Variants in ALKBH1 observed in about 807,000 individuals in gnomAD.
ALKBH1 encodes nucleic acid dioxygenase ALKBH1.
In ALKBH1, 31 loss-of-function variants were observed where a neutral mutation model predicts 36.6. That is an observed-to-expected ratio of 0.85 (90% CI 0.64 to 1.14). The LOEUF (loss-of-function observed/expected upper bound fraction) is 1.14, where lower values mean the gene tolerates loss of function less well. ALKBH1 is among the 50% of genes most tolerant of loss of function. ALKBH1 has a pLI of 0.00. For missense variants in ALKBH1, 490 were observed against 497.3 expected, an observed-to-expected ratio of 0.99 and a Z score of 0.14; for synonymous variants, 183 against 186.6, an observed-to-expected ratio of 0.98 and a Z score of 0.16.
intron 4 of ALKBH1, among the ~76,000 whole-genome samples, chr14:77,676,123 G>T (rs1313397163): frequency 6.6e-6 from 1 of 150,448 alleles, no homozygotes; most frequent in Non-Finnish European, 1.5e-5. Flanking sequence ...AGTCTCCCAA[G>T]TAGGTAGGAC....
At chr14:77,679,246 T>TA in intron 4 of ALKBH1, among the ~76,000 whole-genome samples, 1 of 151,522 alleles carries the variant, frequency 6.6e-6, no homozygotes, top group Admixed American at 6.6e-5. Context: ...TGTTGCACAA[T>TA]AAAAATTAAA....
intron 5 of ALKBH1, among the ~76,000 whole-genome samples, chr14:77,674,977 C>T (rs2080197091): frequency 6.6e-6 from 1 of 152,014 alleles, no homozygotes; most frequent in South Asian, 2.1e-4. Context: ...CAAAACTTGG[C>T]ACAAATTTAA....
intron 1 of ALKBH1, among the ~76,000 whole-genome samples, chr14:77,707,062 AT>A (rs1432253143): frequency 6.6e-6 from 1 of 152,232 alleles, no homozygotes; most frequent in Non-Finnish European, 1.5e-5. Context: ...CCTTAAAAAA[AT>A]AATTTTTAAA....
chr14:77,675,771 A>G lies in ALKBH1; in HGVS notation c.625T>C (p.Phe209Leu). 6.2e-7 allele frequency: 1 copy of G among 1,614,146 alleles called. No homozygotes were observed. Among genetic ancestry groups the G allele is most frequent in the East Asian group, 2.2e-5 (1 of 44,870 alleles). ...LSEQVAAACG[F>L]EDFRAEAGIL... ...CCTGCTTCAGCTCGGAAATCCTCAA[A>G]TCCACAGGCAGCGGCTACTTGCTCT... The change falls in exon 5 of 6, where the codon TTT becomes CTT. Residue 209 changes from phenylalanine (F) to leucine (L), a missense_variant. Phe to Leu is a conservative substitution (Grantham distance 22). Transcript: ENST00000216489.
chr14:77,700,866 TCACTTGA>T (rs551267176), intron 2 of ALKBH1, among the ~76,000 whole-genome samples: 147 of 152,090 alleles, frequency 9.7e-4, no homozygotes, highest in African/African-American at 3.4e-3. Flanking sequence ...GGCAGGGGGA[TCACTTGA>T]GTCCAGGAGT....
At chr14:77,683,131 C>T (rs1371809736) in intron 3 of ALKBH1, 1 of 539,008 alleles carries the variant, frequency 1.9e-6, no homozygotes, top group East Asian at 3.5e-5. Context: ...AGTGAGGCAT[C>T]ACACCAAGCT....
At chr14:77,697,732 G>A (rs1215918315) in intron 2 of ALKBH1, among the ~76,000 whole-genome samples, 1 of 151,128 alleles carries the variant, frequency 6.6e-6, no homozygotes, top group Non-Finnish European at 1.5e-5. Context: ...TTAGAAGCCG[G>A]GCATGGTGGC....
At chr14:77,685,126 T>C (rs900693032) in intron 3 of ALKBH1, among the ~76,000 whole-genome samples, 2 of 152,204 alleles carry the variant, frequency 1.3e-5, no homozygotes, top group East Asian at 3.8e-4. Context: ...TTTTCTAATT[T>C]AGTTCCTTTC....
intron 4 of ALKBH1, among the ~76,000 whole-genome samples, chr14:77,678,948 T>A (rs549724112): frequency 6.3e-4 from 96 of 152,158 alleles, no homozygotes; most frequent in African/African-American, 2.2e-3. Flanking sequence ...CCTGAGTAGC[T>A]GGAACCACAG....
chr14:77,697,716 A>G (rs1165378898), intron 2 of ALKBH1, among the ~76,000 whole-genome samples: 1 of 151,636 alleles, frequency 6.6e-6, no homozygotes, highest in Non-Finnish European at 1.5e-5. Context: ...AAAAAAAAAA[A>G]AAGAATTAGA....
intron 4 of ALKBH1, among the ~76,000 whole-genome samples, chr14:77,677,442 T>G (rs2080212149): frequency 6.6e-6 from 1 of 152,244 alleles, no homozygotes; most frequent in Non-Finnish European, 1.5e-5. Context: ...ATCTGAGGGC[T>G]ATTTGGGCTA....
chr14:77,690,048 T>C lies in ALKBH1; in HGVS notation c.455+4690A>G, dbSNP rs188710562. Reference sequence around the variant, plus strand: ...CAAGAAGATAAAGAATGAGGGGAAGTAGGAGATTCTTGTTGACTGAATGAT... The same window carrying C: ...CAAGAAGATAAAGAATGAGGGGAAGCAGGAGATTCTTGTTGACTGAATGAT... On this transcript the variant is annotated intron_variant, in intron 3 of 5. Transcript: ENST00000216489. Among the ~76,000 whole-genome samples the C allele has an allele frequency of 2.6e-5, 4 of 151,518 alleles. No individual in the cohort carries two copies. The East Asian group carries it at 7.8e-4, about 30-fold the overall frequency.
At chr14:77,699,651 A>G (rs1389119705) in intron 2 of ALKBH1, among the ~76,000 whole-genome samples, 4 of 152,042 alleles carry the variant, frequency 2.6e-5, no homozygotes, top group African/African-American at 9.7e-5. Context: ...CATTTGAGAT[A>G]AGACAAACAA....
chr14:77,694,935 G>C (rs1373977477), intron 2 of ALKBH1, 35 bp from the exon 3 acceptor site: 13 of 1,436,002 alleles, frequency 9.1e-6, no homozygotes, highest in Non-Finnish European at 1.2e-5. Context: ...AAAGAAGAGG[G>C]GGAAATTCTC....
At chr14:77,707,757 A>C in intron 1 of ALKBH1, 65 bp downstream of exon 1, 1 of 1,517,194 alleles carries the variant, frequency 6.6e-7, no homozygotes, top group Non-Finnish European at 8.9e-7. Flanking sequence ...CGAAGAAGAC[A>C]CGTAAGTCCC....
chr14:77,675,574 C>T (rs918875633), intron 5 of ALKBH1, 82 bp downstream of exon 5: 30 of 1,249,858 alleles, frequency 2.4e-5, no homozygotes, highest in Non-Finnish European at 3.2e-5. Context: ...AGTTAAATAC[C>T]TGTATTTATT....
chr14:77,706,499 A>T (rs2080391807), intron 1 of ALKBH1, among the ~76,000 whole-genome samples: 1 of 152,168 alleles, frequency 6.6e-6, no homozygotes, highest in Non-Finnish European at 1.5e-5. Flanking sequence ...CACCAGTCTC[A>T]TCAGCTGGCT....
At chr14:77,691,751 A>G (rs2080298242) in intron 3 of ALKBH1, 1 of 152,196 alleles carries the variant, frequency 6.6e-6, no homozygotes, top group Non-Finnish European at 1.5e-5. Context: ...AGGATGATTT[A>G]TTACAGAGAT....
At chr14:77,695,245 T>A (rs2080320901) in intron 2 of ALKBH1, among the ~76,000 whole-genome samples, 1 of 152,240 alleles carries the variant, frequency 6.6e-6, no homozygotes. Flanking sequence ...TTTCATTTAT[T>A]ACAGGCATGA....
Sources: allele counts gnomAD v4.1 joint callset (sites outside exome capture counted in the v4.1 genomes callset), GRCh38; gene constraint gnomAD v4.1.1; transcripts MANE v1.5; gene names NCBI Gene and HGNC (gene_info 2026-07-23, HGNC 2026-07-21).